The following TRPM6 variants were observed in gnomAD, a reference collection of about 807,000 sequenced individuals.
The protein encoded by TRPM6 is channel kinase 2.
Under a neutral mutation model 247.6 loss-of-function variants are expected in TRPM6, and 111 were observed. The observed-to-expected ratio is 0.45, with a 90% CI of 0.38 to 0.52. The LOEUF is 0.52. Among genes scored for constraint, TRPM6 ranks in the 20% least tolerant of loss-of-function variants. TRPM6 has a pLI of 0.00. For missense variants in TRPM6, 2,126 were observed against 2,421.5 expected (o/e 0.88, Z 2.56); for synonymous variants, 892 against 853.8 (o/e 1.04, Z -0.78).
At chr9:74,799,321 G>A (rs572513359) in intron 17 of TRPM6, among the ~76,000 whole-genome samples, 2 of 151,646 alleles carry the variant, frequency 1.3e-5, no homozygotes, top group African/African-American at 4.8e-5. Context: ...TTATTTATTT[G>A]GTTTCATAAG....
intron 25 of TRPM6, among the ~76,000 whole-genome samples, chr9:74,766,137 A>C (rs1002804484): frequency 6.6e-6 from 1 of 152,254 alleles, no homozygotes; most frequent in Non-Finnish European, 1.5e-5. Context: ...AGCAGCAGTC[A>C]CATCGAATGG....
chr9:74,882,207 T>C (rs1831385999), intron 1 of TRPM6, among the ~76,000 whole-genome samples: 1 of 152,152 alleles, frequency 6.6e-6, no homozygotes, highest in East Asian at 1.9e-4. Flanking sequence ...ACTGATTCAG[T>C]GCTTCTTGGT....
At chr9:74,801,415 T>C (rs1828334227) in intron 16 of TRPM6, among the ~76,000 whole-genome samples, 1 of 152,110 alleles carries the variant, frequency 6.6e-6, no homozygotes, top group Admixed American at 6.6e-5. Flanking sequence ...CATTCTTTCT[T>C]CATTACTATA....
At chr9:74,826,857 G>C (rs2118048940) in intron 7 of TRPM6, 1 of 150,624 alleles carries the variant, frequency 6.6e-6, no homozygotes, top group Admixed American at 6.7e-5. Context: ...TCCTGCCTCA[G>C]CCTCCTGAGT....
At chr9:74,780,761 A>G (rs73650074) in intron 23 of TRPM6, among the ~76,000 whole-genome samples, 1,948 of 152,284 alleles carry the variant, frequency 0.013, 40 homozygotes, top group African/African-American at 0.045. Flanking sequence ...CTGAGAGTTT[A>G]GAGGTAGAGG....
rs1183678407 is a variant in TRPM6, at chr9:74,887,907, G to A, written c.-51C>T. On this transcript the variant is annotated 5_prime_UTR_variant, in exon 1 of 39. Transcript: ENST00000360774. The stretch of plus-strand genomic sequence containing the variant: ...AAGCCCTGTCTGAGCTTTTAACTGT[G>A]GAGGCAGAAACTCTGGGCTCCACCT... 2 of 1,611,856 alleles carry A rather than the reference G, an allele frequency of 1.2e-6. No homozygotes were observed. The highest frequency in any genetic ancestry group is 2.7e-5 in the African/African-American group (2 of 74,998).
chr9:74,790,006 ATGTGTGTGTGTGTGTG>A (rs71912381), intron 19 of TRPM6, among the ~76,000 whole-genome samples: 5 of 132,816 alleles, frequency 3.8e-5, no homozygotes, highest in Admixed American at 8.5e-5. Flanking sequence ...TGAGAGAAAA[ATGTGTGTGTGTGTGTG>A]TGTGTGTGTG....
intron 1 of TRPM6, among the ~76,000 whole-genome samples, chr9:74,872,699 A>G (rs1433911151): frequency 6.6e-6 from 1 of 151,358 alleles, no homozygotes; most frequent in Non-Finnish European, 1.5e-5. Flanking sequence ...CAAACTCCTG[A>G]CCTCAAGTGA....
chr9:74,876,133 G>A (rs1164997994), intron 1 of TRPM6, among the ~76,000 whole-genome samples: 2 of 152,082 alleles, frequency 1.3e-5, no homozygotes, highest in Admixed American at 6.6e-5. Context: ...GCCCAGGCTG[G>A]AATGCAATGG....
In TRPM6 at chr9:74,801,888, G is replaced by A. The variant is rs761497174; in HGVS notation, c.2009+10C>T. ...TGATGTTTAGTATGAAGTGAAGAGA[G>A]AACACTTACTTTGAGTAATTCTTCA... On this transcript the variant is annotated intron_variant, in intron 16 of 38. Transcript: ENST00000360774. 13 of 1,613,742 alleles carry A rather than the reference G, an allele frequency of 8.1e-6. No individual in the cohort carries two copies. Among genetic ancestry groups the A allele is most frequent in the Non-Finnish European group, 8.5e-7 (1 of 1,179,926 alleles).
Position 74,796,836 on chromosome 9 carries a change from C to T in TRPM6, c.2296G>A (p.Ala766Thr), listed in dbSNP as rs757597250. The change falls in exon 18 of 39, where the codon GCT (alanine) becomes ACT (threonine). Residue 766 changes from alanine to threonine, a missense_variant. Transcript: ENST00000360774. ...GACTGGGGAACATGTGACATCTCAGCTTTGCTTTTAAATTCCAGTGTCAAA... is the reference window on the plus strand; with the variant it reads ...GACTGGGGAACATGTGACATCTCAGTTTTGCTTTTAAATTCCAGTGTCAAA... ...TILTLEFKSKAEMSHVPQSQD... is the reference protein window; with the variant it reads ...TILTLEFKSKTEMSHVPQSQD... 2 of 1,613,846 alleles carry T rather than the reference C, an allele frequency of 1.2e-6. No homozygotes were observed. The highest frequency in any genetic ancestry group is 8.5e-7 in the Non-Finnish European group (1 of 1,179,834).
chr9:74,796,919 AAGT>A, intron 17 of TRPM6, 26 bp from the exon 18 acceptor site: 2 of 1,601,046 alleles, frequency 1.2e-6, no homozygotes, highest in Non-Finnish European at 1.7e-6. Flanking sequence ...AAGCAAAACA[AAGT>A]AGTAGGGACT....
chr9:74,884,111 T>G (rs1396101973), intron 1 of TRPM6, among the ~76,000 whole-genome samples: 2 of 151,978 alleles, frequency 1.3e-5, no homozygotes, highest in Non-Finnish European at 2.9e-5. Flanking sequence ...ATTGTGCCAT[T>G]GCACTCCAGC....
rs140242871 is a variant in TRPM6, at chr9:74,782,337, A to G, written c.3209+25T>C. The G allele has an allele frequency of 2.0e-6, 3 of 1,505,102 alleles. No individual in the cohort carries two copies. In the East Asian group the frequency reaches 6.8e-5, roughly 34 times the overall value. 93.2% of individuals were successfully genotyped at this position (1,505,102 alleles called of 1,614,324 possible). A position where few individuals can be genotyped will look rare whatever the true frequency, so the allele number is the denominator to read the frequency against. ...TCTGCCCACATTTCTTATTTAAATAATCATATTTAATTGAAATAACCTACT... is the reference window on the plus strand; with the variant it reads ...TCTGCCCACATTTCTTATTTAAATAGTCATATTTAATTGAAATAACCTACT... On this transcript the variant is annotated intron_variant, in intron 23 of 38. Transcript: ENST00000360774.
intron 3 of TRPM6, among the ~76,000 whole-genome samples, chr9:74,845,294 A>T (rs1830074065): frequency 6.6e-6 from 1 of 152,214 alleles, no homozygotes; most frequent in Admixed American, 6.5e-5. Flanking sequence ...ACAATAAAGT[A>T]ACATACATGA....
rs1827053797 is a variant in TRPM6 at position 74,771,818 on chromosome 9, C to T, written c.3421G>A (p.Glu1141Lys). Residue 1141 changes from glutamate to lysine, a missense_variant, in exon 25 of 39, where the codon GAG becomes AAG. Physicochemically the swap from Glu to Lys is moderately conservative, Grantham distance 56. This residue lies in a region of TRPM6 where 717 missense variants were observed against 715.9 expected (regional missense o/e 1.00). Coordinates refer to ENST00000360774, the MANE Select transcript of TRPM6 (RefSeq NM_017662.5). Reference sequence around the variant, plus strand: ...AAATCATGAAGTTTTTTCAGATCCTCCTTACTGAGGTAGAGTTCTATAGAA... The same window carrying T: ...AAATCATGAAGTTTTTTCAGATCCTTCTTACTGAGGTAGAGTTCTATAGAA... ...DVGLKLYLSK[E>K]DLKKLHDFEE... 3 of 1,613,746 alleles carry T rather than the reference C, an allele frequency of 1.9e-6. No homozygotes were observed. Among genetic ancestry groups the T allele is most frequent in the Non-Finnish European group, 2.5e-6 (3 of 1,179,782 alleles).
chr9:74,778,412 C>T lies in TRPM6; in HGVS notation c.3210-2336G>A, dbSNP rs943804886. Among the ~76,000 whole-genome samples the T allele has an allele frequency of 3.3e-5, 5 of 152,336 alleles. No homozygotes were observed. In the East Asian group the frequency reaches 9.6e-4, roughly 29 times the overall value. On this transcript the variant is annotated intron_variant, in intron 23 of 38. Transcript: ENST00000360774. The stretch of plus-strand genomic sequence containing the variant: ...GCTATTATGTTTGAGATGTGACTGT[C>T]ACCAACAGAGTTCTGTCCTAAAAAG...
intron 9 of TRPM6, 96 bp from the exon 10 acceptor site, chr9:74,817,060 T>A (rs1020292558): frequency 4.9e-5 from 54 of 1,111,738 alleles, no homozygotes; most frequent in Non-Finnish European, 7.1e-5. Context: ...AGCTAATGAA[T>A]TGAGGAAAAC....
chr9:74,887,461 C>G (rs993261823), intron 1 of TRPM6: 2 of 1,063,446 alleles, frequency 1.9e-6, no homozygotes, highest in Non-Finnish European at 1.3e-6. Context: ...TCCTCTCCCT[C>G]CGGCCCGGAG....
Sources: allele counts gnomAD v4.1 joint callset (sites outside exome capture counted in the v4.1 genomes callset), GRCh38; gene constraint gnomAD v4.1.1; regional missense constraint gnomAD v4.1.1; transcripts MANE v1.5; gene names NCBI Gene and HGNC (gene_info 2026-07-23, HGNC 2026-07-21).